The following CLIC5 variants were observed in gnomAD, a reference collection of about 807,000 sequenced individuals.
The protein encoded by CLIC5 is chloride intracellular channel protein 5.
In CLIC5, 20 loss-of-function variants were observed where a neutral mutation model predicts 24.7. The ratio of observed to expected loss-of-function variants is 0.81; its 90% CI spans 0.57 to 1.18. CLIC5 has a LOEUF of 1.18. Ranked by LOEUF, CLIC5 falls within the 50% of genes most tolerant of loss-of-function variation. The pLI is 0.00. For missense variants in CLIC5, 341 were observed against 326.1 expected (o/e 1.05, Z -0.35); for synonymous variants, 159 against 135.6 (o/e 1.17, Z -1.20).
chr6:46,000,750 C>T lies in CLIC5; in HGVS notation c.63+14730G>A, dbSNP rs141157652. On this transcript the variant is annotated intron_variant, in intron 1 of 5. Transcript: ENST00000339561. Reference sequence around the variant, plus strand: ...AGACTCGTAGACTCACTCACTATCACGAGAACAGCATGGGGGAAACAACCC... The same window carrying T: ...AGACTCGTAGACTCACTCACTATCATGAGAACAGCATGGGGGAAACAACCC... Among the ~76,000 whole-genome samples the T allele has an allele frequency of 8.0e-4, 122 of 152,238 alleles. No individual in the cohort carries two copies. The Middle Eastern group carries it at 0.014, about 17-fold the overall frequency.
At chr6:46,029,799 G>A (rs1015421971) in intron 1 of CLIC5, among the ~76,000 whole-genome samples, 1 of 152,188 alleles carries the variant, frequency 6.6e-6, no homozygotes. Flanking sequence ...TCTGGGGAAG[G>A]AAAGTTTAAC....
chr6:45,908,399 G>A (rs552702355), intron 5 of CLIC5, among the ~76,000 whole-genome samples: 1 of 152,206 alleles, frequency 6.6e-6, no homozygotes, highest in East Asian at 1.9e-4. Context: ...ACTTTTTGAG[G>A]TAGGCATTTC....
At chr6:46,061,144 T>A (rs1431046730) in intron 1 of CLIC5, among the ~76,000 whole-genome samples, 1 of 152,196 alleles carries the variant, frequency 6.6e-6, no homozygotes, top group African/African-American at 2.4e-5. Flanking sequence ...CACAAGAGAA[T>A]TGCTTAACCA....
chr6:45,897,090 C>G (rs1762404156), downstream of CLIC5, among the ~76,000 whole-genome samples: 1 of 152,122 alleles, frequency 6.6e-6, no homozygotes, highest in South Asian at 2.1e-4. Context: ...ATCAAGGACC[C>G]AGGTTCTGTC....
At chr6:45,905,260 T>C (rs1762625354) in intron 5 of CLIC5, among the ~76,000 whole-genome samples, 1 of 152,226 alleles carries the variant, frequency 6.6e-6, no homozygotes, top group African/African-American at 2.4e-5. Context: ...TGGGATTGCT[T>C]GGTCAAATGA....
chr6:45,946,435 G>T (rs988814237), intron 3 of CLIC5, among the ~76,000 whole-genome samples: 3 of 152,216 alleles, frequency 2.0e-5, no homozygotes, highest in Non-Finnish European at 4.4e-5. Context: ...GTGTTTGTAT[G>T]TGGTTTTCTC....
At chr6:45,983,893 A>G (rs913223468) in intron 1 of CLIC5, among the ~76,000 whole-genome samples, 6 of 152,262 alleles carry the variant, frequency 3.9e-5, no homozygotes, top group African/African-American at 1.4e-4. Flanking sequence ...ATTTCTTTAT[A>G]TCTTCTCTGT....
intron 4 of CLIC5, among the ~76,000 whole-genome samples, chr6:45,915,861 G>A (rs954740612): frequency 6.6e-6 from 1 of 152,134 alleles, no homozygotes; most frequent in Admixed American, 6.5e-5. Context: ...AAACATGGAG[G>A]AGATGGCTGA....
intron 4 of CLIC5, chr6:45,914,619 A>G: frequency 1.1e-6 from 1 of 936,468 alleles, no homozygotes; most frequent in South Asian, 5.5e-5. Context: ...ACCAAACAAT[A>G]AACACTAGCT....
chr6:45,921,167 G>T (rs968962501), intron 4 of CLIC5, among the ~76,000 whole-genome samples: 3 of 152,252 alleles, frequency 2.0e-5, no homozygotes, highest in South Asian at 2.1e-4. Flanking sequence ...GGCAGGTAAG[G>T]GGGGGCTGAT....
Position 46,056,194 on chromosome 6 carries a change from T to C in CLIC5, c.540+23509A>G, listed in dbSNP as rs140199880. On this transcript the variant is annotated intron_variant, in intron 1 of 5. Coordinates refer to the CLIC5 transcript ENST00000185206. ...AAACTAGAAAGGGGTAGTGCTTAGA[T>C]ATGAGCCCTGTCTGCCCACCCCTCT... Among the ~76,000 whole-genome samples, 7 of 152,288 alleles carry C rather than the reference T, an allele frequency of 4.6e-5. No individual in the cohort carries two copies. The East Asian group carries it at 1.2e-3, about 25-fold the overall frequency.
intron 4 of CLIC5, among the ~76,000 whole-genome samples, chr6:45,930,959 A>G: frequency 6.6e-6 from 1 of 152,220 alleles, no homozygotes; most frequent in African/African-American, 2.4e-5. Context: ...CAGTCCAAGG[A>G]CTAAATCCAG....
At chr6:46,096,190 C>T in the CLIC5 span, among the ~76,000 whole-genome samples, 1 of 152,170 alleles carries the variant, frequency 6.6e-6, no homozygotes, top group East Asian at 1.9e-4. Flanking sequence ...CACTCACTCG[C>T]AATGGAACAG....
intron 1 of CLIC5, among the ~76,000 whole-genome samples, chr6:46,033,608 C>A (rs907618646): frequency 6.6e-6 from 1 of 152,238 alleles, no homozygotes; most frequent in Non-Finnish European, 1.5e-5. Context: ...ATGGGAAGAC[C>A]TGCCAGCCCT....
At chr6:45,914,201 A>G in intron 5 of CLIC5, 27 bp downstream of exon 5, 6 of 1,503,884 alleles carry the variant, frequency 4.0e-6, no homozygotes, top group East Asian at 2.3e-5. Context: ...TGGATCTTGC[A>G]GGCCCCTGTG....
intron 1 of CLIC5, among the ~76,000 whole-genome samples, chr6:46,046,631 A>C (rs187888172): frequency 6.6e-6 from 1 of 152,346 alleles, no homozygotes; most frequent in East Asian, 1.9e-4. Context: ...TGATTTTGAT[A>C]AAGTCCACTT....
chr6:45,885,700 G>T (rs55662102), intron 6 of CLIC5, among the ~76,000 whole-genome samples: 1 of 152,198 alleles, frequency 6.6e-6, no homozygotes, highest in Admixed American at 6.5e-5. Flanking sequence ...AAACAAAGTC[G>T]TAGAGACCTT....
At chr6:46,003,581 G>A (rs1181740908) in intron 1 of CLIC5, among the ~76,000 whole-genome samples, 5 of 152,190 alleles carry the variant, frequency 3.3e-5, no homozygotes, top group Non-Finnish European at 2.9e-5. Context: ...AAGACCACTC[G>A]CCTACCAAAT....
rs1766978282 is a variant in CLIC5, at chr6:46,015,680, A to C, written c.-138T>G. On this transcript the variant is annotated 5_prime_UTR_variant, in exon 1 of 6. Coordinates refer to ENST00000339561, the MANE Select transcript of CLIC5 (RefSeq NM_016929.5). ...TGTTTAATTTTTCACAAAACCATCT[A>C]TTCTCCAGCCCGAGCAGCGGGGTCT... 7.7e-7 allele frequency: 1 copy of C among 1,296,524 alleles called. No individual in the cohort carries two copies. Among genetic ancestry groups the C allele is most frequent in the Admixed American group, 3.8e-5 (1 of 26,080 alleles). 80.3% of individuals were successfully genotyped at this position (1,296,524 alleles called of 1,614,324 possible). A position where few individuals can be genotyped will look rare whatever the true frequency, so the allele number is the denominator to read the frequency against.
Sources: allele counts gnomAD v4.1 joint callset (sites outside exome capture counted in the v4.1 genomes callset), GRCh38; gene constraint gnomAD v4.1.1; transcripts MANE v1.5; gene names NCBI Gene and HGNC (gene_info 2026-07-23, HGNC 2026-07-21).